MBD5: variants seen among roughly 807,000 people sequenced by gnomAD.
The protein encoded by MBD5 is methyl-CpG-binding domain protein 5.
Under a neutral mutation model 117.3 loss-of-function variants are expected in MBD5, and 13 were observed. The observed-to-expected ratio is 0.11, with a 90% CI of 0.07 to 0.18. The LOEUF is 0.18. Among genes scored for constraint, MBD5 ranks in the 10% least tolerant of loss-of-function variants. The probability of loss-of-function intolerance (pLI) is 1.00; values close to 1 mark genes in which losing one functional copy is unlikely to be tolerated. For synonymous variants in MBD5, 727 were observed against 766.4 expected (o/e 0.95, Z 0.85); for missense variants, 1,879 against 2,093.8 (o/e 0.90, Z 2.00).
intron 1 of MBD5, chr2:148,044,852 T>C (rs1330622652): frequency 6.6e-6 from 1 of 152,160 alleles, no homozygotes; most frequent in African/African-American, 2.4e-5. Flanking sequence ...AGATAATAGT[T>C]TTGGTAATTA....
intron 1 of MBD5, among the ~76,000 whole-genome samples, chr2:148,033,897 T>C (rs1694113181): frequency 1.3e-5 from 2 of 152,340 alleles, no homozygotes; most frequent in African/African-American, 4.8e-5. Context: ...AACATTCCAA[T>C]TGAGAAAATA....
chr2:148,334,017 T>C (rs1232217514), intron 3 of MBD5, among the ~76,000 whole-genome samples: 3 of 152,340 alleles, frequency 2.0e-5, no homozygotes, highest in Non-Finnish European at 2.9e-5. Context: ...GTTTCTTCTT[T>C]TTTTTGTTTA....
chr2:148,095,564 T>C (rs1696048656), intron 1 of MBD5, among the ~76,000 whole-genome samples: 2 of 152,268 alleles, frequency 1.3e-5, no homozygotes, highest in South Asian at 4.1e-4. Context: ...TACTGATTCC[T>C]CTCTTATAAA....
intron 4 of MBD5, chr2:148,393,248 G>A (rs932099300): frequency 6.6e-6 from 1 of 152,072 alleles, no homozygotes; most frequent in Non-Finnish European, 1.5e-5. Context: ...CCTATGGGAA[G>A]GTATTTCCAT....
chr2:148,509,976 T>G lies in MBD5; in HGVS notation c.5037-84T>G, dbSNP rs57964426. 1.0e-3 allele frequency: 1,117 copies of G among 1,075,554 alleles called. 16 individuals are homozygous for G. The East Asian group carries it at 0.026, about 25-fold the overall frequency. The allele number at this position is 1,075,554 out of a possible 1,614,324, so 66.6% of individuals were successfully genotyped here. On this transcript the variant is annotated intron_variant, in intron 12 of 13. Coordinates refer to ENST00000642680, the MANE Select transcript of MBD5 (RefSeq NM_001378120.1). ...AATTGGCTTTCTCTCGTGGAATTGGTACTTTTGTTTTCTGATTAGGAAATT... is the reference window on the plus strand; with the variant it reads ...AATTGGCTTTCTCTCGTGGAATTGGGACTTTTGTTTTCTGATTAGGAAATT...
intron 1 of MBD5, among the ~76,000 whole-genome samples, chr2:148,074,275 A>C (rs1483837208): frequency 2.0e-5 from 3 of 152,028 alleles, no homozygotes; most frequent in Non-Finnish European, 4.4e-5. Flanking sequence ...TTTGTATCTT[A>C]TTTGTAATTC....
chr2:148,309,155 A>G (rs1701967270), intron 3 of MBD5, among the ~76,000 whole-genome samples: 2 of 152,190 alleles, frequency 1.3e-5, no homozygotes, highest in Admixed American at 6.5e-5. Flanking sequence ...TTGGTTCCAC[A>G]TGAAATTTAA....
intron 3 of MBD5, among the ~76,000 whole-genome samples, chr2:148,259,044 C>A (rs571456705): frequency 6.6e-6 from 1 of 152,290 alleles, no homozygotes; most frequent in African/African-American, 2.4e-5. Context: ...CATCATCTGG[C>A]CTCTGAGTAT....
intron 4 of MBD5, among the ~76,000 whole-genome samples, chr2:148,368,813 A>T (rs1378255014): frequency 2.6e-5 from 4 of 152,184 alleles, no homozygotes; most frequent in African/African-American, 9.6e-5. Context: ...ATAGAGTTAG[A>T]AAATGATTTT....
chr2:148,144,712 C>T (rs1000522751), intron 1 of MBD5, among the ~76,000 whole-genome samples: 2 of 152,164 alleles, frequency 1.3e-5, no homozygotes, highest in African/African-American at 4.8e-5. Flanking sequence ...GGAATCCTTT[C>T]CCCATTTCTT....
At chr2:148,202,845 T>C (rs1043950604) in intron 2 of MBD5, among the ~76,000 whole-genome samples, 4 of 151,974 alleles carry the variant, frequency 2.6e-5, no homozygotes, top group African/African-American at 9.7e-5. Context: ...CTGGCCAACA[T>C]AGTGAGAACC....
chr2:148,237,810 A>G (rs1362239613), intron 3 of MBD5, among the ~76,000 whole-genome samples: 1 of 152,158 alleles, frequency 6.6e-6, no homozygotes, highest in Non-Finnish European at 1.5e-5. Context: ...GTATGCCTAC[A>G]TTTAAGAACT....
chr2:148,438,640 T>A (rs747349994), intron 4 of MBD5, among the ~76,000 whole-genome samples: 1 of 152,104 alleles, frequency 6.6e-6, no homozygotes, highest in African/African-American at 2.4e-5. Context: ...GGAGATTTAT[T>A]AGGGGACTTG....
chr2:148,469,111 C>T lies in MBD5; in HGVS notation c.1168C>T (p.Pro390Ser). ...SFHSNVHSQV[P>S]MMNVSMPPAV... ...CCATTCAAATGTCCACTCTCAGGTA[C>T]CTATGATGAATGTAAGCATGCCTCC... Residue 390 changes from proline to serine, a missense_variant, in exon 8 of 14, where the codon CCT (proline) becomes TCT (serine). By Grantham distance (74) the Pro-to-Ser change is moderately conservative (BLOSUM62 -1). This residue lies in a region of MBD5 where 1,666 missense variants were observed against 1,792.2 expected (regional missense o/e 0.93). Coordinates refer to ENST00000642680, the MANE Select transcript of MBD5 (RefSeq NM_001378120.1). 2 of 1,614,038 alleles carry T rather than the reference C, an allele frequency of 1.2e-6. No individual in the cohort carries two copies. The highest frequency in any genetic ancestry group is 1.7e-6 in the Non-Finnish European group (2 of 1,179,968).
intron 4 of MBD5, among the ~76,000 whole-genome samples, chr2:148,389,793 T>C (rs182889926): frequency 2.0e-5 from 3 of 152,176 alleles, no homozygotes; most frequent in Non-Finnish European, 4.4e-5. Flanking sequence ...CACTTTTTTC[T>C]TGTTGATTTG....
At chr2:148,173,087 C>G (rs1698300607) in intron 1 of MBD5, among the ~76,000 whole-genome samples, 1 of 152,202 alleles carries the variant, frequency 6.6e-6, no homozygotes, top group Non-Finnish European at 1.5e-5. Context: ...CGCCGAATGG[C>G]ACCACTGAAA....
intron 4 of MBD5, among the ~76,000 whole-genome samples, chr2:148,390,053 G>A (rs1257955060): frequency 1.3e-5 from 2 of 152,060 alleles, no homozygotes; most frequent in African/African-American, 2.4e-5. Context: ...CTAGTTTCAG[G>A]TCTTACATTT....
intron 1 of MBD5, among the ~76,000 whole-genome samples, chr2:148,149,865 G>A (rs1265828787): frequency 1.1e-4 from 16 of 148,444 alleles, no homozygotes; most frequent in South Asian, 4.4e-4. Flanking sequence ...AGTAGGTTGC[G>A]AAAATTTTCT....
intron 1 of MBD5, among the ~76,000 whole-genome samples, chr2:148,159,102 A>G (rs2105732183): frequency 6.6e-6 from 1 of 152,322 alleles, no homozygotes; most frequent in South Asian, 2.1e-4. Flanking sequence ...GGAGAAACAA[A>G]AAGGGCCATT....
Sources: allele counts gnomAD v4.1 joint callset (sites outside exome capture counted in the v4.1 genomes callset), GRCh38; gene constraint gnomAD v4.1.1; regional missense constraint gnomAD v4.1.1; transcripts MANE v1.5; gene names NCBI Gene and HGNC (gene_info 2026-07-23, HGNC 2026-07-21).